SHISA9: variants seen among roughly 807,000 people sequenced by gnomAD.
SHISA9 encodes the protein shisa family member 9.
SHISA9 carries 13 observed loss-of-function variants against 38.0 expected under a neutral mutation model. The ratio of observed to expected loss-of-function variants is 0.34; its 90% confidence interval spans 0.22 to 0.54. The LOEUF (loss-of-function observed/expected upper bound fraction) is 0.54, where lower values mean the gene tolerates loss of function less well. SHISA9 is among the 20% of genes least tolerant of loss of function. The pLI is 0.91. For missense variants in SHISA9, 538 were observed against 575.8 expected, an observed-to-expected ratio of 0.93 and a Z score of 0.67; for synonymous variants, 275 against 242.0, an observed-to-expected ratio of 1.14 and a Z score of -1.27.
chr16:13,367,847 T>A, the SHISA9 span, among the ~76,000 whole-genome samples: 1 of 151,920 alleles, frequency 6.6e-6, no homozygotes, highest in African/African-American at 2.4e-5. Flanking sequence ...TAGCTCCCAT[T>A]CAAATCCACA....
intron 2 of SHISA9, among the ~76,000 whole-genome samples, chr16:13,188,977 G>C (rs1008740632): frequency 4.6e-5 from 7 of 152,184 alleles, no homozygotes; most frequent in South Asian, 2.1e-4. Context: ...GACACACACA[G>C]AGAATGCCAT....
At chr16:13,002,767 A>T (rs1026630399) in intron 2 of SHISA9, among the ~76,000 whole-genome samples, 1 of 152,104 alleles carries the variant, frequency 6.6e-6, no homozygotes, top group Non-Finnish European at 1.5e-5. Flanking sequence ...TCCCGACCTC[A>T]GGTGATCTGC....
intron 2 of SHISA9, among the ~76,000 whole-genome samples, chr16:13,073,715 C>T (rs1405885445): frequency 6.6e-6 from 1 of 152,072 alleles, no homozygotes; most frequent in Non-Finnish European, 1.5e-5. Context: ...AAGGGTGAGT[C>T]CTCAAACCAA....
At chr16:12,940,291 A>G (rs984910078) in intron 2 of SHISA9, among the ~76,000 whole-genome samples, 1 of 152,132 alleles carries the variant, frequency 6.6e-6, no homozygotes, top group Non-Finnish European at 1.5e-5. Flanking sequence ...TCTCTATACT[A>G]TAATTCCAAA....
chr16:13,059,480 T>A (rs2073349841), intron 2 of SHISA9, among the ~76,000 whole-genome samples: 2 of 151,976 alleles, frequency 1.3e-5, no homozygotes. Context: ...CATGTGGACA[T>A]GTGGGTGGGG....
the SHISA9 span, among the ~76,000 whole-genome samples, chr16:13,260,164 C>A: frequency 9.1e-3 from 1,385 of 151,404 alleles, 21 homozygotes; most frequent in African/African-American, 0.032. Flanking sequence ...CTACAGGCAC[C>A]CACCACCATG....
At chr16:13,467,947 A>G in the SHISA9 span, among the ~76,000 whole-genome samples, 3 of 152,320 alleles carry the variant, frequency 2.0e-5, no homozygotes, top group South Asian at 2.1e-4. Context: ...CCCATTGTAC[A>G]TGTCGCTATC....
intron 2 of SHISA9, among the ~76,000 whole-genome samples, chr16:13,135,402 A>G (rs2050340259): frequency 1.3e-5 from 2 of 151,792 alleles, no homozygotes. Flanking sequence ...CTTCATCTGT[A>G]GAGATCTACA....
At chr16:13,183,298 C>A (rs1351427280) in intron 2 of SHISA9, among the ~76,000 whole-genome samples, 14 of 151,710 alleles carry the variant, frequency 9.2e-5, no homozygotes, top group African/African-American at 3.2e-4. Flanking sequence ...AAAATACAAT[C>A]TGCCACAGAT....
At chr16:13,401,940 A>T in the SHISA9 span, among the ~76,000 whole-genome samples, 1 of 152,092 alleles carries the variant, frequency 6.6e-6, no homozygotes, top group African/African-American at 2.4e-5. Context: ...AAACCATCAG[A>T]TCTCATGAGA....
intron 2 of SHISA9, among the ~76,000 whole-genome samples, chr16:13,015,743 C>A (rs2072734890): frequency 6.6e-6 from 1 of 151,944 alleles, no homozygotes; most frequent in Admixed American, 6.6e-5. Flanking sequence ...TCCGGAGTAG[C>A]TGATTCATCA....
At chr16:13,380,669 G>T in the SHISA9 span, among the ~76,000 whole-genome samples, 1 of 151,920 alleles carries the variant, frequency 6.6e-6, no homozygotes, top group Non-Finnish European at 1.5e-5. Flanking sequence ...TTAAAACTTG[G>T]CATTTTATTA....
At chr16:13,151,749 C>T (rs1029825758) in intron 2 of SHISA9, among the ~76,000 whole-genome samples, 9 of 152,212 alleles carry the variant, frequency 5.9e-5, no homozygotes, top group Non-Finnish European at 1.2e-4. Flanking sequence ...TCATTCTGCA[C>T]GTCAGTACAT....
the SHISA9 span, among the ~76,000 whole-genome samples, chr16:13,373,696 A>G: frequency 6.7e-6 from 1 of 149,378 alleles, no homozygotes; most frequent in African/African-American, 2.5e-5. Context: ...CAGGAGGCAG[A>G]GGTTGCAGTG....
At chr16:13,149,104 G>T (rs1300256718) in intron 2 of SHISA9, among the ~76,000 whole-genome samples, 1 of 152,162 alleles carries the variant, frequency 6.6e-6, no homozygotes, top group Non-Finnish European at 1.5e-5. Context: ...GTGGGGAAGT[G>T]GTGCCCTCAG....
intron 2 of SHISA9, among the ~76,000 whole-genome samples, chr16:13,105,256 T>G (rs2073915182): frequency 6.6e-6 from 1 of 152,194 alleles, no homozygotes; most frequent in Non-Finnish European, 1.5e-5. Flanking sequence ...GTTTCTTTTA[T>G]TTTGGAAAGT....
chr16:13,556,018 G>C, the SHISA9 span, among the ~76,000 whole-genome samples: 1 of 152,052 alleles, frequency 6.6e-6, no homozygotes, highest in African/African-American at 2.4e-5. Context: ...AATATGGTCG[G>C]GCTTGAGATT....
intron 2 of SHISA9, among the ~76,000 whole-genome samples, chr16:12,929,945 A>T (rs1007575127): frequency 6.6e-6 from 1 of 152,056 alleles, no homozygotes; most frequent in African/African-American, 2.4e-5. Flanking sequence ...TCTTGGGTAA[A>T]CTGTTATCTT....
the SHISA9 span, among the ~76,000 whole-genome samples, chr16:13,536,113 C>T: frequency 1.3e-5 from 2 of 152,116 alleles, no homozygotes; most frequent in Non-Finnish European, 2.9e-5. Flanking sequence ...ATTCTCCTGC[C>T]TCAGCCTCCC....
Sources: gnomAD v4.1 joint callset for allele counts (sites outside exome capture counted in the v4.1 genomes callset) on GRCh38, gnomAD v4.1.1 for gene constraint, MANE v1.5 for transcripts, NCBI Gene and HGNC (gene_info 2026-07-23, HGNC 2026-07-21) for gene names.